ESPL1: variants seen among roughly 807,000 people sequenced by gnomAD.
ESPL1 encodes separin.
ESPL1 carries 50 observed loss-of-function variants against 217.2 expected under a neutral mutation model. The observed-to-expected ratio is 0.23, with a 90% CI of 0.18 to 0.29. The LOEUF (loss-of-function observed/expected upper bound fraction) is 0.29, where lower values mean the gene tolerates loss of function less well. Ranked by LOEUF, ESPL1 falls within the 10% of genes least tolerant of loss-of-function variation. The probability of loss-of-function intolerance (pLI) is 1.00; values close to 1 mark genes in which losing one functional copy is unlikely to be tolerated. For missense variants in ESPL1, 1,834 were observed against 2,603.0 expected (o/e 0.70, Z 6.43); for synonymous variants, 994 against 1,081.3 (o/e 0.92, Z 1.58).
At position 53,289,487 on chromosome 12, in the gene ESPL1, C is replaced by A. The variant is rs1465204135; in HGVS notation, c.5006C>A (p.Pro1669His). Residue 1669 changes from proline (P) to histidine (H), a missense_variant, in exon 22 of 31, where the codon CCC becomes CAC. By Grantham distance (77) the Pro-to-His change is moderately conservative. This residue lies in a region of ESPL1 where 681 missense variants were observed against 808.0 expected (regional missense o/e 0.84). Coordinates refer to ENST00000257934, the MANE Select transcript of ESPL1 (RefSeq NM_012291.5). The part of the protein sequence containing the change: ...LSLQEMPGDV[P>H]LARIQRLFSF... Reference sequence around the variant, plus strand: ...CTTCAGGAGATGCCTGGAGATGTCCCCCTGGCCCGCATCCAGCGCCTCTTT... The same window carrying A: ...CTTCAGGAGATGCCTGGAGATGTCCACCTGGCCCGCATCCAGCGCCTCTTT... 1 of 1,613,988 alleles carries A rather than the reference C, an allele frequency of 6.2e-7. No individual in the cohort carries two copies.
intron 5 of ESPL1, among the ~76,000 whole-genome samples, chr12:53,272,333 C>T (rs1047553478): frequency 5.9e-5 from 9 of 151,950 alleles, no homozygotes; most frequent in Non-Finnish European, 1.0e-4. Context: ...AGGTGCATGA[C>T]GGGGGGCAAG....
At position 53,269,340 on chromosome 12, in the gene ESPL1, G is replaced by T. The variant is rs371445719; in HGVS notation, c.398G>T (p.Arg133Leu). Residue 133 changes from arginine to leucine, a missense_variant, in exon 3 of 31, where the codon CGC becomes CTC. This residue lies in a region of ESPL1 where 746 missense variants were observed against 1,077.0 expected (regional missense o/e 0.69). Transcript: ENST00000257934. The surrounding 1 kb of genome is among the most constrained non-coding windows in gnomAD (Gnocchi z 6.7). ...PLHACLVQCS[R>L]EAAPQDYEAV... Reference sequence around the variant, plus strand: ...CATGCCTGCTTGGTGCAGTGCTCTCGCGAGGCTGCTCCCCAGGACTATGAG... The same window carrying T: ...CATGCCTGCTTGGTGCAGTGCTCTCTCGAGGCTGCTCCCCAGGACTATGAG... The T allele has an allele frequency of 3.7e-5, 60 of 1,613,976 alleles. No individual in the cohort carries two copies. The highest frequency in any genetic ancestry group is 5.3e-5 in the African/African-American group (4 of 74,936).
chr12:53,274,722 C>G, intron 6 of ESPL1, 95 bp from the exon 7 acceptor site: 1 of 1,020,934 alleles, frequency 9.8e-7, no homozygotes, highest in South Asian at 1.5e-5. Flanking sequence ...CCCGCCCCCT[C>G]ATGTGGTGTA....
rs1943771249 is a variant in ESPL1, at chr12:53,276,731, CA to C, written c.1814del (p.Asn605ThrfsTer9). ...GGGCCGACACTGGACAGGAACGCTT[CA>C]ACATCATCTGTGACCTCCTGGAGCT... ...VRADTGQERF[N>X]IICDLLELSP... On this transcript the variant is annotated frameshift_variant, in exon 8 of 31. Coordinates refer to ENST00000257934, the MANE Select transcript of ESPL1 (RefSeq NM_012291.5). LOFTEE classifies it high-confidence loss of function. The C allele has an allele frequency of 6.2e-7, 1 of 1,613,496 alleles. No homozygotes were observed. The highest frequency in any genetic ancestry group is 1.7e-5 in the Admixed American group (1 of 60,002).
rs762839584 is a variant in ESPL1 at position 53,289,313 on chromosome 12, G to A, written c.4922+10G>A. 21 of 1,611,036 alleles carry A rather than the reference G, an allele frequency of 1.3e-5. No individual in the cohort carries two copies. In the South Asian group the frequency reaches 2.1e-4, roughly 16 times the overall value. On this transcript the variant is annotated intron_variant, in intron 21 of 30. Coordinates refer to ENST00000257934, the MANE Select transcript of ESPL1 (RefSeq NM_012291.5). ...TCCACAGACAGCTCAGGTGGGTGCTGACCATCCCCAAGACTCCTGCTGGGG... is the reference window on the plus strand; with the variant it reads ...TCCACAGACAGCTCAGGTGGGTGCTAACCATCCCCAAGACTCCTGCTGGGG...
At chr12:53,274,745 A>G in intron 6 of ESPL1, 72 bp from the exon 7 acceptor site, 1 of 1,289,704 alleles carries the variant, frequency 7.8e-7, no homozygotes, top group South Asian at 1.2e-5. Context: ...TACCTATTGC[A>G]TGCATATCCC....
Position 53,289,432 on chromosome 12 carries a change from G to T in ESPL1, c.4951G>T (p.Glu1651Ter). 6.2e-7 allele frequency: 1 copy of T among 1,614,030 alleles called. No homozygotes were observed. The change falls in exon 22 of 31, where the codon GAA becomes TAA. Residue 1651 changes from glutamate to a stop codon, truncating the protein, a stop_gained. Transcript: ENST00000257934. LOFTEE classifies it high-confidence loss of function. ...GGCCCAGAAGCACCGAGGATCACTT[G>T]AAATAGCAGACCAGCTGCAGGGGCT... Reference protein sequence around the residue: ...SKAQKHRGSLEIADQLQGLSL... With the variant: ...SKAQKHRGSL
chr12:53,270,881 C>T (rs1259219300), intron 5 of ESPL1, 83 bp downstream of exon 5: 1 of 1,488,068 alleles, frequency 6.7e-7, no homozygotes, highest in Non-Finnish European at 9.2e-7. Context: ...CTGCGTGGTT[C>T]TGACCACTGT....
At chr12:53,274,727 G>T in intron 6 of ESPL1, 90 bp from the exon 7 acceptor site, 1 of 1,059,592 alleles carries the variant, frequency 9.4e-7, no homozygotes, top group South Asian at 1.4e-5. Context: ...CCCCTCATGT[G>T]GTGTATGTAC....
chr12:53,288,048 G>A lies in ESPL1; in HGVS notation c.4253G>A (p.Arg1418Gln), dbSNP rs531311020. The A allele has an allele frequency of 1.3e-5, 21 of 1,613,578 alleles. No individual in the cohort carries two copies. The highest frequency in any genetic ancestry group is 6.7e-5 in the African/African-American group (5 of 75,052). Residue 1418 changes from arginine to glutamine, a missense_variant, in exon 19 of 31, where the codon CGG becomes CAG. Around this residue, in one of 5 missense-constraint regions of ESPL1, gnomAD observed 681 missense variants for 808.0 expected, o/e 0.84. Transcript: ENST00000257934. Reference sequence around the variant, plus strand: ...TGGCTGGCAGAGGAGCCTAAGAGACGGGGCACTGCTTCCCGGGGCCGGGGG... The same window carrying A: ...TGGCTGGCAGAGGAGCCTAAGAGACAGGGCACTGCTTCCCGGGGCCGGGGG... The part of the protein sequence containing the change: ...EAWLAEEPKR[R>Q]GTASRGRGRA...
At chr12:53,278,747 G>A (rs1423638170) in intron 11 of ESPL1, among the ~76,000 whole-genome samples, 2 of 146,498 alleles carry the variant, frequency 1.4e-5, no homozygotes, top group East Asian at 2.1e-4. Context: ...ACGCAACCAC[G>A]CCTGGCTACT....
Position 53,269,916 on chromosome 12 carries a change from G to C in ESPL1, c.974G>C (p.Ser325Thr). The C allele has an allele frequency of 6.2e-7, 1 of 1,614,230 alleles. No individual in the cohort carries two copies. The highest frequency in any genetic ancestry group is 1.7e-5 in the Admixed American group (1 of 60,018). Residue 325 changes from serine to threonine, a missense_variant, in exon 3 of 31, where the codon AGT (serine) becomes ACT (threonine). Coordinates refer to ENST00000257934, the MANE Select transcript of ESPL1 (RefSeq NM_012291.5). This position sits in a 1 kb window ranked among gnomAD's most constrained non-coding sequence, Gnocchi z 6.7. ...LIKASAVLSKSMEAPSPPLRA... is the reference protein window; with the variant it reads ...LIKASAVLSKTMEAPSPPLRA... ...AAGGCATCAGCTGTCCTGAGCAAGA[G>C]TATGGAGGCACCATCACCCCCACTT...
At chr12:53,281,231 G>A (rs1465393559) in intron 12 of ESPL1, among the ~76,000 whole-genome samples, 1 of 149,414 alleles carries the variant, frequency 6.7e-6, no homozygotes, top group African/African-American at 2.5e-5. Flanking sequence ...TCTGCCTCTC[G>A]GGTTCAAGTG....
chr12:53,289,287 C>A lies in ESPL1; in HGVS notation c.4906C>A (p.Leu1636Ile). The change falls in exon 21 of 31, where the codon CTC becomes ATC. Residue 1636 changes from leucine (L) to isoleucine (I), a missense_variant. Leu to Ile is a conservative substitution (Grantham distance 5). Coordinates refer to ENST00000257934, the MANE Select transcript of ESPL1 (RefSeq NM_012291.5). ...ITCRHQLLTH[L>I]HRQLSKAQKH... ...CTGTCGCCACCAGCTGCTCACCCAC[C>A]TCCACAGACAGCTCAGGTGGGTGCT... 6.2e-7 allele frequency: 1 copy of A among 1,611,740 alleles called. No individual in the cohort carries two copies. The highest frequency in any genetic ancestry group is 8.5e-7 in the Non-Finnish European group (1 of 1,180,036).
chr12:53,292,988 A>G lies in ESPL1; in HGVS notation c.6161+18A>G, dbSNP rs749890293. 11 of 1,609,174 alleles carry G rather than the reference A, an allele frequency of 6.8e-6. No homozygotes were observed. In the South Asian group the frequency reaches 1.1e-4, roughly 16 times the overall value. On this transcript the variant is annotated intron_variant, in intron 30 of 30. Transcript: ENST00000257934. The surrounding 1 kb of genome is among the most constrained non-coding windows in gnomAD (Gnocchi z 4.5). The stretch of plus-strand genomic sequence containing the variant: ...GCTGGTTGGTGAGTCTCCAAGGGCA[A>G]GACCCATCCTAGGGCATTAGGACTC...
At chr12:53,288,911 G>C in intron 20 of ESPL1, 179 bp from the exon 21 acceptor site, 1 of 707,586 alleles carries the variant, frequency 1.4e-6, no homozygotes. Context: ...TAGGGAGCAT[G>C]GTGGAATAAG....
chr12:53,275,726 C>CTT (rs560945425), intron 7 of ESPL1, among the ~76,000 whole-genome samples: 7 of 129,532 alleles, frequency 5.4e-5, no homozygotes, highest in South Asian at 2.5e-4. Context: ...GTGTCTGTTC[C>CTT]TTTTTTTTTT....
chr12:53,273,060 G>A (rs1270803059), intron 6 of ESPL1, among the ~76,000 whole-genome samples: 8 of 137,816 alleles, frequency 5.8e-5, no homozygotes, highest in Admixed American at 3.8e-4. Flanking sequence ...TTTTTGAGAC[G>A]AGTCTCGCTC....
Position 53,286,722 on chromosome 12 carries a change from G to A in ESPL1, c.3986G>A (p.Arg1329His), listed in dbSNP as rs771332249. 30 of 1,613,986 alleles carry A rather than the reference G, an allele frequency of 1.9e-5. No homozygotes were observed. Among genetic ancestry groups the A allele is most frequent in the African/African-American group, 8.0e-5 (6 of 74,942 alleles). ...CAAAAGTTAGCCTCTGCTCCCCTGCGCCTCAATAATACCTCTCAGAAAGGT... is the reference window on the plus strand; with the variant it reads ...CAAAAGTTAGCCTCTGCTCCCCTGCACCTCAATAATACCTCTCAGAAAGGT... ...GRQKLASAPL[R>H]LNNTSQKGLE... The change falls in exon 18 of 31, where the codon CGC becomes CAC. Residue 1329 changes from arginine (R) to histidine (H), a missense_variant. Arg to His is a conservative substitution (Grantham distance 29). Coordinates refer to ENST00000257934, the MANE Select transcript of ESPL1 (RefSeq NM_012291.5). The surrounding 1 kb of genome is among the most constrained non-coding windows in gnomAD (Gnocchi z 5.3).
Sources: allele counts gnomAD v4.1 joint callset (sites outside exome capture counted in the v4.1 genomes callset), GRCh38; gene constraint gnomAD v4.1.1; regional missense constraint gnomAD v4.1.1; non-coding constraint Gnocchi (gnomAD v3.1); transcripts MANE v1.5; gene names NCBI Gene and HGNC (gene_info 2026-07-23, HGNC 2026-07-21).